The following CNTLN variants were observed in gnomAD, a reference collection of about 807,000 sequenced individuals.
CNTLN encodes the protein centlein, centrosomal protein.
CNTLN carries 212 observed loss-of-function variants against 180.0 expected under a neutral mutation model. That is an observed-to-expected ratio of 1.18 (90% CI 1.05 to 1.32). The LOEUF is 1.32. Ranked by LOEUF, CNTLN falls within the 40% of genes most tolerant of loss-of-function variation. The pLI, the probability that CNTLN is intolerant of heterozygous loss-of-function variation, is 0.00. For missense variants in CNTLN, 2,095 were observed against 1,610.9 expected (o/e 1.30, Z -5.14); for synonymous variants, 722 against 563.1 (o/e 1.28, Z -3.99).
chr9:17,257,546 C>A (rs1405754454), intron 5 of CNTLN, among the ~76,000 whole-genome samples: 7 of 149,534 alleles, frequency 4.7e-5, no homozygotes, highest in Non-Finnish European at 1.0e-4. Context: ...CCTGAGGAAT[C>A]GCCACACTGA....
intron 8 of CNTLN, among the ~76,000 whole-genome samples, chr9:17,322,540 A>C (rs1454098353): frequency 6.6e-6 from 1 of 152,204 alleles, no homozygotes; most frequent in Non-Finnish European, 1.5e-5. Context: ...TCTAATGGAA[A>C]CTGCAACTCA....
At chr9:17,284,999 T>G (rs1295478006) in intron 6 of CNTLN, among the ~76,000 whole-genome samples, 1 of 137,854 alleles carries the variant, frequency 7.3e-6, no homozygotes, top group Non-Finnish European at 1.5e-5. Context: ...ATTTCTGCCT[T>G]AATTTTTTTT....
intron 5 of CNTLN, among the ~76,000 whole-genome samples, chr9:17,247,805 G>A (rs1423808796): frequency 1.3e-4 from 13 of 102,482 alleles, no homozygotes; most frequent in African/African-American, 4.9e-4. Context: ...TGCATCTATT[G>A]AAATGATCAT....
chr9:17,396,208 G>C (rs1826509243), intron 15 of CNTLN, among the ~76,000 whole-genome samples: 1 of 152,160 alleles, frequency 6.6e-6, no homozygotes, highest in Non-Finnish European at 1.5e-5. Context: ...GCACCCCTCA[G>C]GGCTACTCTG....
rs945683762 is a variant in CNTLN at position 17,466,560 on chromosome 9, G to A, written c.3670-146G>A. On this transcript the variant is annotated intron_variant, in intron 22 of 25. Transcript: ENST00000380647. ...ATGTACTTAGGATGTTTTATTGAAA[G>A]TTAATGAAAATAATCATTAATTTTA... 4.8e-6 allele frequency: 3 copies of A among 628,170 alleles called. No individual in the cohort carries two copies. The African/African-American group carries it at 5.7e-5, about 12-fold the overall frequency. The allele number at this position is 628,170 out of a possible 1,614,324, so 38.9% of individuals were successfully genotyped here. A position where few individuals can be genotyped will look rare whatever the true frequency, so the allele number is the denominator to read the frequency against.
the CNTLN span, among the ~76,000 whole-genome samples, chr9:17,510,680 C>T: frequency 0.01 from 1,565 of 152,334 alleles, 30 homozygotes; most frequent in Middle Eastern, 0.024. Context: ...CTCCAGCCTG[C>T]CTGCCCACTC....
chr9:17,405,735 C>T (rs961366014), intron 15 of CNTLN, among the ~76,000 whole-genome samples: 1 of 151,576 alleles, frequency 6.6e-6, no homozygotes, highest in Non-Finnish European at 1.5e-5. Flanking sequence ...ATTCCAGCCA[C>T]CCCAAAATGT....
chr9:17,189,913 T>G (rs1821689507), intron 2 of CNTLN, among the ~76,000 whole-genome samples: 2 of 152,056 alleles, frequency 1.3e-5, no homozygotes, highest in African/African-American at 4.8e-5. Flanking sequence ...AATTTTTCAG[T>G]CTGCTGCTTT....
chr9:17,320,028 A>C (rs566634097), intron 8 of CNTLN, among the ~76,000 whole-genome samples: 1 of 152,200 alleles, frequency 6.6e-6, no homozygotes, highest in Non-Finnish European at 1.5e-5. Context: ...ATGCAGAAAT[A>C]ATGTTTTTTG....
At chr9:17,489,045 T>A (rs1226842741) in intron 25 of CNTLN, among the ~76,000 whole-genome samples, 3 of 152,280 alleles carry the variant, frequency 2.0e-5, no homozygotes, top group Non-Finnish European at 4.4e-5. Context: ...CTTTGAATTT[T>A]GTGAGAGAAC....
At chr9:17,408,128 C>CAAAAAA (rs34374959) in intron 15 of CNTLN, among the ~76,000 whole-genome samples, 7 of 59,062 alleles carry the variant, frequency 1.2e-4, no homozygotes, top group African/African-American at 1.5e-4. Context: ...GACTCTGTCT[C>CAAAAAA]AAAAAAAAAA....
At chr9:17,153,565 A>G (rs373359255) in intron 2 of CNTLN, among the ~76,000 whole-genome samples, 8 of 152,142 alleles carry the variant, frequency 5.3e-5, no homozygotes, top group South Asian at 4.2e-4. Flanking sequence ...GGGTAACCCA[A>G]TCTTTCTTAC....
intron 12 of CNTLN, among the ~76,000 whole-genome samples, chr9:17,359,063 C>T (rs545315636): frequency 5.8e-4 from 88 of 151,590 alleles, no homozygotes; most frequent in Middle Eastern, 3.4e-3. Context: ...TTTGTCACTC[C>T]GCTGGAGTGC....
intron 13 of CNTLN, among the ~76,000 whole-genome samples, chr9:17,373,914 T>A (rs1434318051): frequency 6.6e-6 from 1 of 152,186 alleles, no homozygotes; most frequent in Non-Finnish European, 1.5e-5. Context: ...GATATTCATA[T>A]GCGTAAGAAT....
At chr9:17,188,132 A>T (rs1263565343) in intron 2 of CNTLN, among the ~76,000 whole-genome samples, 1 of 151,786 alleles carries the variant, frequency 6.6e-6, no homozygotes, top group Non-Finnish European at 1.5e-5. Context: ...AGATAAAAAG[A>T]ATTAACAAAG....
chr9:17,345,463 G>C (rs921432296), intron 12 of CNTLN, among the ~76,000 whole-genome samples: 3 of 150,484 alleles, frequency 2.0e-5, no homozygotes, highest in Non-Finnish European at 4.4e-5. Context: ...CCTTCATATG[G>C]GTTACTTAAG....
intron 14 of CNTLN, among the ~76,000 whole-genome samples, chr9:17,394,299 T>G (rs982273146): frequency 3.3e-5 from 5 of 152,194 alleles, no homozygotes; most frequent in Admixed American, 1.3e-4. Flanking sequence ...TACTTAGTTC[T>G]GTCACTGTGT....
the CNTLN span, among the ~76,000 whole-genome samples, chr9:17,512,670 A>G: frequency 1.7e-4 from 26 of 152,352 alleles, no homozygotes; most frequent in Middle Eastern, 0.014. Context: ...AGTTCAAAAA[A>G]GAATACTTTT....
intron 2 of CNTLN, among the ~76,000 whole-genome samples, chr9:17,199,978 A>C (rs1034445835): frequency 6.6e-6 from 1 of 152,130 alleles, no homozygotes; most frequent in African/African-American, 2.4e-5. Context: ...TGGGTTTTAC[A>C]TTTAAGTTCT....
Sources: gnomAD v4.1 joint callset for allele counts (sites outside exome capture counted in the v4.1 genomes callset) on GRCh38, gnomAD v4.1.1 for gene constraint, MANE v1.5 for transcripts, NCBI Gene and HGNC (gene_info 2026-07-23, HGNC 2026-07-21) for gene names.